PLCB1: variants seen among roughly 807,000 people sequenced by gnomAD.
The protein encoded by PLCB1 is 1-phosphatidylinositol 4,5-bisphosphate phosphodiesterase beta-1.
Under a neutral mutation model 161.8 loss-of-function variants are expected in PLCB1, and 46 were observed. The ratio of observed to expected loss-of-function variants is 0.28; its 90% CI spans 0.22 to 0.36. PLCB1 has a LOEUF of 0.36. Ranked by LOEUF, PLCB1 falls within the 10% of genes least tolerant of loss-of-function variation. PLCB1 has a pLI of 1.00. For synonymous variants in PLCB1, 517 were observed against 503.7 expected, an observed-to-expected ratio of 1.03 and a Z score of -0.35; for missense variants, 1,016 against 1,472.5, an observed-to-expected ratio of 0.69 and a Z score of 5.07.
intron 2 of PLCB1, among the ~76,000 whole-genome samples, chr20:8,316,650 A>G (rs552030477): frequency 2.0e-5 from 3 of 152,290 alleles, no homozygotes; most frequent in Non-Finnish European, 4.4e-5. Flanking sequence ...ATGCCTATAT[A>G]CAAACCCCTA....
intron 19 of PLCB1, among the ~76,000 whole-genome samples, chr20:8,734,259 C>G (rs1296808225): frequency 2.0e-5 from 3 of 149,702 alleles, no homozygotes; most frequent in South Asian, 2.1e-4. Flanking sequence ...AGAGACTCAT[C>G]ATAAGCAAAC....
At chr20:8,478,711 T>A (rs941029229) in intron 3 of PLCB1, among the ~76,000 whole-genome samples, 8 of 152,164 alleles carry the variant, frequency 5.3e-5, no homozygotes, top group African/African-American at 1.9e-4. Context: ...ATTTTCATTA[T>A]TTTTTCCTCA....
chr20:8,799,163 TTTTTC>T (rs1984170686), intron 31 of PLCB1, among the ~76,000 whole-genome samples: 1 of 152,218 alleles, frequency 6.6e-6, no homozygotes, highest in Non-Finnish European at 1.5e-5. Flanking sequence ...TTTGTCCATA[TTTTTC>T]TTTCTTGAGG....
intron 3 of PLCB1, among the ~76,000 whole-genome samples, chr20:8,451,078 A>G (rs1981055291): frequency 6.6e-6 from 1 of 152,198 alleles, no homozygotes; most frequent in South Asian, 2.1e-4. Flanking sequence ...AATCTTTACA[A>G]TAATATATAG....
intron 3 of PLCB1, among the ~76,000 whole-genome samples, chr20:8,556,590 G>A (rs777655427): frequency 6.6e-6 from 1 of 151,682 alleles, no homozygotes; most frequent in East Asian, 1.9e-4. Context: ...GAGATCTTAA[G>A]GCTTCACAAC....
chr20:8,532,873 A>C (rs1387760322), intron 3 of PLCB1, among the ~76,000 whole-genome samples: 1 of 152,024 alleles, frequency 6.6e-6, no homozygotes, highest in African/African-American at 2.4e-5. Flanking sequence ...TTATTTTATT[A>C]TTATGATACT....
intron 31 of PLCB1, among the ~76,000 whole-genome samples, chr20:8,834,824 A>G (rs896829411): frequency 1.0e-4 from 15 of 149,924 alleles, no homozygotes; most frequent in African/African-American, 3.7e-4. Flanking sequence ...AAAAAAAAAA[A>G]AAAAAAAAAA....
intron 3 of PLCB1, among the ~76,000 whole-genome samples, chr20:8,605,239 T>C (rs187951315): frequency 5.9e-5 from 9 of 152,276 alleles, no homozygotes; most frequent in Non-Finnish European, 1.3e-4. Context: ...AGAGTACAGT[T>C]AATAACAAAC....
chr20:8,745,362 T>G (rs1212363357), intron 23 of PLCB1, among the ~76,000 whole-genome samples: 2 of 152,222 alleles, frequency 1.3e-5, no homozygotes, highest in Non-Finnish European at 2.9e-5. Context: ...GACACTGTTT[T>G]AGCAGCAAAG....
intron 3 of PLCB1, among the ~76,000 whole-genome samples, chr20:8,582,360 T>C (rs1345844090): frequency 6.6e-6 from 1 of 152,158 alleles, no homozygotes; most frequent in African/African-American, 2.4e-5. Context: ...TAGTGGCCCG[T>C]AGCCCATGAT....
At chr20:8,518,795 A>G (rs1984237557) in intron 3 of PLCB1, among the ~76,000 whole-genome samples, 1 of 151,996 alleles carries the variant, frequency 6.6e-6, no homozygotes, top group Admixed American at 6.6e-5. Context: ...ACAACTCACC[A>G]TAATGTAGAA....
Position 8,420,769 on chromosome 20 carries a change from T to C in PLCB1, c.246+49319T>C, listed in dbSNP as rs531039160. Among the ~76,000 whole-genome samples the C allele has an allele frequency of 2.0e-5, 3 of 152,318 alleles. No homozygotes were observed. In the South Asian group the frequency reaches 6.2e-4, roughly 32 times the overall value. On this transcript the variant is annotated intron_variant, in intron 3 of 31. Coordinates refer to ENST00000338037, the MANE Select transcript of PLCB1 (RefSeq NM_015192.4). ...AGCCCTGCACATCAGGTCAATGCACTTAAGTAGCTAAACAAGAATGTCATA... is the reference window on the plus strand; with the variant it reads ...AGCCCTGCACATCAGGTCAATGCACCTAAGTAGCTAAACAAGAATGTCATA...
intron 27 of PLCB1, among the ~76,000 whole-genome samples, chr20:8,781,298 A>G (rs1378109609): frequency 6.6e-6 from 1 of 152,192 alleles, no homozygotes; most frequent in African/African-American, 2.4e-5. Context: ...AGAAATGACA[A>G]ATAAGCAAAA....
At chr20:8,392,602 A>G (rs947788799) in intron 3 of PLCB1, among the ~76,000 whole-genome samples, 2 of 152,174 alleles carry the variant, frequency 1.3e-5, no homozygotes, top group Admixed American at 1.3e-4. Context: ...TGTATCCATC[A>G]TGGAGCTATT....
chr20:8,501,864 C>CAT (rs36226867), intron 3 of PLCB1, among the ~76,000 whole-genome samples: 94 of 104,556 alleles, frequency 9.0e-4, no homozygotes, highest in East Asian at 2.1e-3. Flanking sequence ...AGATATATCG[C>CAT]ATATATATAT....
chr20:8,421,336 G>A (rs1374172427), intron 3 of PLCB1, among the ~76,000 whole-genome samples: 1 of 152,132 alleles, frequency 6.6e-6, no homozygotes, highest in Non-Finnish European at 1.5e-5. Context: ...AAAACATTGG[G>A]ACTATTTTTT....
At chr20:8,740,280 C>T (rs138483112) in intron 21 of PLCB1, 64 bp from the exon 22 acceptor site, 143 of 819,220 alleles carry the variant, frequency 1.7e-4, no homozygotes, top group East Asian at 1.5e-3. Context: ...CACATAGATG[C>T]GCATAATTAT....
At position 8,379,337 on chromosome 20, in the gene PLCB1, T is replaced by C. The variant is rs564086029; in HGVS notation, c.246+7887T>C. 7.4e-4 allele frequency among the ~76,000 whole-genome samples: 113 copies of C among 152,320 alleles called. 3 individuals carry two copies. In the South Asian group the frequency reaches 0.023, roughly 31 times the overall value. On this transcript the variant is annotated intron_variant, in intron 3 of 31. Coordinates refer to ENST00000338037, the MANE Select transcript of PLCB1 (RefSeq NM_015192.4). ...TGGTTTATATGTACCACATTTTCTT[T>C]ATCCAGTCTATCATTGATGGGTGTT...
chr20:8,814,573 T>C (rs954022777), intron 31 of PLCB1, among the ~76,000 whole-genome samples: 4 of 113,170 alleles, frequency 3.5e-5, no homozygotes, highest in Admixed American at 2.9e-4. Flanking sequence ...TGGTATGTAC[T>C]TGCATGTGTG....
Sources: gnomAD v4.1 joint callset for allele counts (sites outside exome capture counted in the v4.1 genomes callset) on GRCh38, gnomAD v4.1.1 for gene constraint, MANE v1.5 for transcripts, NCBI Gene and HGNC (gene_info 2026-07-23, HGNC 2026-07-21) for gene names.